Variants in DNER observed in about 807,000 individuals in gnomAD.
DNER encodes the protein delta and Notch-like epidermal growth factor-related receptor.
A neutral mutation model predicts 78.2 loss-of-function variants in DNER; 33 were observed. The ratio of observed to expected loss-of-function variants is 0.42; its 90% CI spans 0.32 to 0.56. The LOEUF (loss-of-function observed/expected upper bound fraction) is 0.56. Among genes scored for constraint, DNER ranks in the 20% least tolerant of loss-of-function variants. The pLI, the probability that DNER is intolerant of heterozygous loss-of-function variation, is 0.11. For synonymous variants in DNER, 417 were observed against 384.8 expected, an observed-to-expected ratio of 1.08 and a Z score of -0.98; for missense variants, 918 against 975.3, an observed-to-expected ratio of 0.94 and a Z score of 0.78.
At chr2:229,524,519 TC>T (rs1317886111) in intron 5 of DNER, among the ~76,000 whole-genome samples, 1 of 152,190 alleles carries the variant, frequency 6.6e-6, no homozygotes, top group Non-Finnish European at 1.5e-5. Flanking sequence ...TGACTGGTCC[TC>T]CTTCCCAGTT....
At chr2:229,667,672 AC>A (rs1699117644) in intron 1 of DNER, among the ~76,000 whole-genome samples, 1 of 152,084 alleles carries the variant, frequency 6.6e-6, no homozygotes, top group Non-Finnish European at 1.5e-5. Flanking sequence ...GTTTGTCACT[AC>A]CCCCAATGCA....
At chr2:229,487,663 A>G (rs1337287209) in intron 6 of DNER, among the ~76,000 whole-genome samples, 4 of 152,238 alleles carry the variant, frequency 2.6e-5, no homozygotes, top group African/African-American at 9.6e-5. Context: ...TTTTTGTAGT[A>G]AATCAAACTC....
rs967330428 is a variant in DNER, at chr2:229,702,849, A to G, written c.276+11299T>C. On this transcript the variant is annotated intron_variant, in intron 1 of 12. Coordinates refer to ENST00000341772, the MANE Select transcript of DNER (RefSeq NM_139072.4). The stretch of plus-strand genomic sequence containing the variant: ...GGAGAACGGTGTGAACACGGGAGGT[A>G]GAGCTTGCAGTGAGCTGAGACCGTG... 2.9e-4 allele frequency among the ~76,000 whole-genome samples: 43 copies of G among 146,892 alleles called. 1 individual carries two copies. The highest frequency in any genetic ancestry group is 8.3e-4 in the East Asian group (4 of 4,794).
At chr2:229,361,641 G>T (rs1179787108) in intron 12 of DNER, among the ~76,000 whole-genome samples, 2 of 152,106 alleles carry the variant, frequency 1.3e-5, no homozygotes, top group African/African-American at 2.4e-5. Context: ...AATGTTTTGT[G>T]CATTATTCTT....
chr2:229,699,229 G>A (rs375576454), intron 1 of DNER, among the ~76,000 whole-genome samples: 37 of 110,762 alleles, frequency 3.3e-4, no homozygotes, highest in African/African-American at 1.4e-3. Context: ...TTAAAAAAAA[G>A]AATCTTGATA....
At chr2:229,411,605 G>GTGA (rs1693522415) in intron 9 of DNER, among the ~76,000 whole-genome samples, 1 of 152,048 alleles carries the variant, frequency 6.6e-6, no homozygotes, top group African/African-American at 2.4e-5. Flanking sequence ...CTATAATCCA[G>GTGA]TGATCTCATT....
chr2:229,564,023 C>A (rs1470112397), intron 4 of DNER, among the ~76,000 whole-genome samples: 32 of 111,266 alleles, frequency 2.9e-4, no homozygotes, highest in East Asian at 1.6e-3. Flanking sequence ...CATCATCATC[C>A]TCACCCCATC....
intron 8 of DNER, among the ~76,000 whole-genome samples, chr2:229,440,253 T>A (rs1374931902): frequency 2.0e-5 from 3 of 152,096 alleles, no homozygotes; most frequent in South Asian, 2.1e-4. Context: ...CCCCACAACT[T>A]ACAATCAAAC....
Position 229,357,691 on chromosome 2 carries a change from TATCA to T in DNER, c.*845_*848del, listed in dbSNP as rs1692119935. The T allele has an allele frequency of 6.6e-6, 1 of 152,188 alleles. No homozygotes were observed. Among genetic ancestry groups the T allele is most frequent in the Non-Finnish European group, 1.5e-5 (1 of 68,032 alleles). The allele number at this position is 152,188 out of a possible 1,614,324, so 9.4% of individuals were successfully genotyped here. Reference sequence around the variant, plus strand: ...ATTAGCAAGAATCAGAAGAAGCACATATCAATCAAATACAGCCACAAAAACATCC... The same window carrying T: ...ATTAGCAAGAATCAGAAGAAGCACATATCAAATACAGCCACAAAAACATCC... On this transcript the variant is annotated 3_prime_UTR_variant, in exon 13 of 13. Coordinates refer to ENST00000341772, the MANE Select transcript of DNER (RefSeq NM_139072.4).
intron 1 of DNER, among the ~76,000 whole-genome samples, chr2:229,695,422 T>C (rs1419680534): frequency 6.6e-6 from 1 of 151,064 alleles, no homozygotes. Flanking sequence ...ATATTTATTA[T>C]AAATCCCCAC....
intron 3 of DNER, chr2:229,586,614 C>A: frequency 1.0e-6 from 1 of 983,638 alleles, no homozygotes; most frequent in Non-Finnish European, 1.2e-6. Context: ...AACCCCAACC[C>A]CAGCTGCCCT....
chr2:229,536,737 G>A (rs528934632), intron 5 of DNER, among the ~76,000 whole-genome samples: 1 of 152,298 alleles, frequency 6.6e-6, no homozygotes, highest in South Asian at 2.1e-4. Context: ...CAATAGTTAT[G>A]TCTCCCATAC....
At chr2:229,662,877 C>T (rs1047220987) in intron 1 of DNER, among the ~76,000 whole-genome samples, 1 of 152,188 alleles carries the variant, frequency 6.6e-6, no homozygotes, top group African/African-American at 2.4e-5. Context: ...TTGGACTAAA[C>T]AAAAATAAGA....
intron 11 of DNER, among the ~76,000 whole-genome samples, chr2:229,388,049 G>A (rs988146522): frequency 1.3e-5 from 2 of 151,998 alleles, no homozygotes; most frequent in African/African-American, 4.8e-5. Flanking sequence ...GGAGGGAGTG[G>A]GGGCAGCAGA....
intron 7 of DNER, among the ~76,000 whole-genome samples, chr2:229,476,509 A>G (rs1022184775): frequency 1.3e-5 from 2 of 152,168 alleles, no homozygotes; most frequent in East Asian, 1.9e-4. Flanking sequence ...TGCTGGTTCT[A>G]AAAAACAATC....
At chr2:229,430,686 A>AT in intron 8 of DNER, among the ~76,000 whole-genome samples, 1 of 112,970 alleles carries the variant, frequency 8.9e-6, no homozygotes, top group South Asian at 2.5e-4. Context: ...AATACTTAGT[A>AT]AATATATATA....
intron 1 of DNER, among the ~76,000 whole-genome samples, chr2:229,697,371 T>A (rs921245319): frequency 2.0e-5 from 3 of 152,248 alleles, no homozygotes; most frequent in African/African-American, 7.2e-5. Context: ...AGCAACTGCT[T>A]CATGGATACA....
chr2:229,565,685 G>T (rs904054262), intron 4 of DNER, among the ~76,000 whole-genome samples: 1 of 152,098 alleles, frequency 6.6e-6, no homozygotes, highest in East Asian at 1.9e-4. Context: ...TCTCCAATTA[G>T]CAAAAATATT....
intron 12 of DNER, among the ~76,000 whole-genome samples, chr2:229,361,403 G>C (rs1199433765): frequency 6.6e-6 from 1 of 152,122 alleles, no homozygotes; most frequent in Non-Finnish European, 1.5e-5. Context: ...TAGACTAGGG[G>C]TTAGCAAACT....
Sources: allele counts gnomAD v4.1 joint callset (sites outside exome capture counted in the v4.1 genomes callset), GRCh38; gene constraint gnomAD v4.1.1; transcripts MANE v1.5; gene names NCBI Gene and HGNC (gene_info 2026-07-23, HGNC 2026-07-21).